MTSS1: variants seen among roughly 807,000 people sequenced by gnomAD.
The protein encoded by MTSS1 is MTSS I-BAR domain containing 1.
Under a neutral mutation model 79.0 loss-of-function variants are expected in MTSS1, and 18 were observed. The ratio of observed to expected loss-of-function variants is 0.23; its 90% CI spans 0.16 to 0.34. The LOEUF is 0.34. Ranked by LOEUF, MTSS1 falls within the 10% of genes least tolerant of loss-of-function variation. The pLI is 1.00. For missense variants in MTSS1, 815 were observed against 986.2 expected, an observed-to-expected ratio of 0.83 and a Z score of 2.33; for synonymous variants, 341 against 368.6, an observed-to-expected ratio of 0.93 and a Z score of 0.86.
At chr8:124,555,665 A>C in intron 13 of MTSS1, 77 bp downstream of exon 13, 1 of 1,445,570 alleles carries the variant, frequency 6.9e-7, no homozygotes, top group Non-Finnish European at 9.2e-7. Context: ...TTGTGGTTAA[A>C]ATGGACCAGC....
chr8:124,572,743 C>CTTTTT (rs747243821), intron 6 of MTSS1, among the ~76,000 whole-genome samples: 14,292 of 123,164 alleles, frequency 0.12, 1,037 homozygotes, highest in African/African-American at 0.18. Context: ...CTTTTCTTTT[C>CTTTTT]TTTTTTTTTT....
intron 3 of MTSS1, among the ~76,000 whole-genome samples, chr8:124,608,098 G>A (rs1835170514): frequency 6.6e-6 from 1 of 151,812 alleles, no homozygotes; most frequent in Non-Finnish European, 1.5e-5. Flanking sequence ...GACCTTCTGA[G>A]GTTAAACTAA....
chr8:124,556,874 G>A (rs1015267427), intron 11 of MTSS1, among the ~76,000 whole-genome samples: 1 of 152,242 alleles, frequency 6.6e-6, no homozygotes, highest in Non-Finnish European at 1.5e-5. Context: ...GGGCATGGCA[G>A]GCTCCCTGCC....
chr8:124,689,215 T>A (rs181661284), intron 3 of MTSS1, among the ~76,000 whole-genome samples: 150 of 152,326 alleles, frequency 9.8e-4, no homozygotes, highest in Non-Finnish European at 1.8e-3. Context: ...TCCAACTAGC[T>A]TTCACATTTT....
At chr8:124,620,165 A>G (rs897823590) in intron 3 of MTSS1, among the ~76,000 whole-genome samples, 12 of 152,172 alleles carry the variant, frequency 7.9e-5, no homozygotes, top group Non-Finnish European at 1.6e-4. Context: ...GGCTGGTCTC[A>G]GAACTCCCAG....
chr8:124,615,995 C>G (rs535984435), intron 3 of MTSS1, among the ~76,000 whole-genome samples: 10 of 152,316 alleles, frequency 6.6e-5, no homozygotes, highest in African/African-American at 2.4e-4. Context: ...CCTGCTTCCT[C>G]CTCAGCATCA....
chr8:124,587,669 G>T lies in MTSS1; in HGVS notation c.385+1951C>A, dbSNP rs571975192. 9.7e-4 allele frequency among the ~76,000 whole-genome samples: 147 copies of T among 151,932 alleles called. 3 individuals are homozygous for T. The highest frequency in any genetic ancestry group is 1.3e-3 in the Admixed American group (20 of 15,248). ...GCATGCCACCACGCCCAGCTAATTG[G>T]TTTTTTTGTATTTTTAGTGGAGGTG... On this transcript the variant is annotated intron_variant, in intron 5 of 13. Coordinates refer to ENST00000518547, the MANE Select transcript of MTSS1 (RefSeq NM_014751.6).
intron 11 of MTSS1, among the ~76,000 whole-genome samples, 176 bp downstream of exon 11, chr8:124,557,505 C>A (rs536497445): frequency 2.0e-5 from 3 of 152,276 alleles, no homozygotes; most frequent in Middle Eastern, 6.8e-3. Context: ...TTAGAGCTGC[C>A]GGCTGCTTTC....
At chr8:124,554,858 C>T (rs920589373) in intron 13 of MTSS1, among the ~76,000 whole-genome samples, 1 of 152,140 alleles carries the variant, frequency 6.6e-6, no homozygotes, top group Non-Finnish European at 1.5e-5. Flanking sequence ...GAAGCTATTC[C>T]TTTGAGACAG....
At chr8:124,701,164 G>A (rs931635230) in intron 2 of MTSS1, among the ~76,000 whole-genome samples, 7 of 152,200 alleles carry the variant, frequency 4.6e-5, no homozygotes, top group African/African-American at 1.7e-4. Flanking sequence ...TTGAGCCCAG[G>A]AGGTCAAGGG....
intron 3 of MTSS1, among the ~76,000 whole-genome samples, chr8:124,619,912 C>T (rs1813135276): frequency 6.7e-6 from 1 of 149,890 alleles, no homozygotes; most frequent in African/African-American, 2.5e-5. Context: ...AATAACAGTA[C>T]AAAAATTACA....
intron 3 of MTSS1, among the ~76,000 whole-genome samples, chr8:124,646,466 G>A (rs953735075): frequency 3.3e-5 from 5 of 152,076 alleles, no homozygotes; most frequent in Non-Finnish European, 5.9e-5. Context: ...ATTATCTTTA[G>A]ATAAGGCATC....
chr8:124,661,495 C>T (rs1452650413), intron 3 of MTSS1, among the ~76,000 whole-genome samples: 1 of 152,148 alleles, frequency 6.6e-6, no homozygotes, highest in Non-Finnish European at 1.5e-5. Flanking sequence ...CAGGTGAACA[C>T]AAAAGGAGCC....
intron 8 of MTSS1, 88 bp from the exon 9 acceptor site, chr8:124,565,847 C>T (rs1002273632): frequency 2.2e-5 from 25 of 1,125,992 alleles, no homozygotes; most frequent in Middle Eastern, 5.7e-4. Flanking sequence ...AGCATCAAAA[C>T]GCTGCCATCG....
intron 3 of MTSS1, among the ~76,000 whole-genome samples, chr8:124,604,012 GA>G (rs1474081876): frequency 1.3e-5 from 2 of 152,138 alleles, no homozygotes; most frequent in Non-Finnish European, 2.9e-5. Context: ...GAGAGTTCAA[GA>G]CCAGCCTGGC....
At chr8:124,603,664 G>A (rs564358892) in intron 3 of MTSS1, among the ~76,000 whole-genome samples, 2 of 152,260 alleles carry the variant, frequency 1.3e-5, no homozygotes, top group African/African-American at 4.8e-5. Context: ...AGAGAGGGAG[G>A]AAATGGAGAA....
At chr8:124,560,591 C>T (rs1248430994) in intron 10 of MTSS1, among the ~76,000 whole-genome samples, 1 of 152,158 alleles carries the variant, frequency 6.6e-6, no homozygotes, top group Non-Finnish European at 1.5e-5. Context: ...TTCAAGGTTA[C>T]AGTGACCTAT....
intron 3 of MTSS1, among the ~76,000 whole-genome samples, chr8:124,696,342 TA>T (rs1263381900): frequency 1.1e-4 from 17 of 152,148 alleles, no homozygotes; most frequent in Non-Finnish European, 1.8e-4. Context: ...AATTTTTAAG[TA>T]AAAATTAATA....
chr8:124,659,545 G>A (rs1821615495), intron 3 of MTSS1, among the ~76,000 whole-genome samples: 1 of 152,152 alleles, frequency 6.6e-6, no homozygotes. Flanking sequence ...CATTTCTCAG[G>A]AGATTAAAGG....
Sources: allele counts gnomAD v4.1 joint callset (sites outside exome capture counted in the v4.1 genomes callset), GRCh38; gene constraint gnomAD v4.1.1; transcripts MANE v1.5; gene names NCBI Gene and HGNC (gene_info 2026-07-23, HGNC 2026-07-21).